Variants in NSD2 observed in about 807,000 individuals in gnomAD.
NSD2 encodes histone-lysine N-methyltransferase NSD2.
A neutral mutation model predicts 139.0 loss-of-function variants in NSD2; 12 were observed. That is an observed-to-expected ratio of 0.09 (90% CI 0.06 to 0.14). The LOEUF (loss-of-function observed/expected upper bound fraction) is 0.14, where lower values mean the gene tolerates loss of function less well. Among genes scored for constraint, NSD2 ranks in the 10% least tolerant of loss-of-function variants. The pLI, the probability that NSD2 is intolerant of heterozygous loss-of-function variation, is 1.00. For synonymous variants in NSD2, 669 were observed against 648.7 expected (o/e 1.03, Z -0.48); for missense variants, 1,155 against 1,745.0 (o/e 0.66, Z 6.02).
At position 1,959,749 on chromosome 4, in the gene NSD2, C is replaced by A; in HGVS notation, c.3255+9C>A. ...AGAGGGACATCAGAAAGGTATGTGT[C>A]GTTATCCCCTCCCCTGCTTTTGAGA... is the stretch of plus-strand genomic sequence containing the variant. On this transcript the variant is annotated intron_variant, in intron 17 of 21. Transcript: ENST00000508803. The A allele has an allele frequency of 6.2e-7, 1 of 1,608,686 alleles. No homozygotes were observed. Among genetic ancestry groups the A allele is most frequent in the South Asian group, 1.1e-5 (1 of 90,954 alleles).
rs527240655 is a variant in NSD2 at position 1,934,950 on chromosome 4, A to C, written c.1556-194A>C. 2.1e-5 allele frequency among the ~76,000 whole-genome samples: 3 copies of C among 142,762 alleles called. No individual in the cohort carries two copies. In the South Asian group the frequency reaches 6.9e-4, roughly 33 times the overall value. 93.7% of individuals were successfully genotyped at this position (142,762 alleles called of 152,430 possible). A position where few individuals can be genotyped will look rare whatever the true frequency, so the allele number is the denominator to read the frequency against. Reference sequence around the variant, plus strand: ...AGATGCTAATATAATCCCTAAGGTTAGATATAGTCACCAGTTTTTTTGTTG... The same window carrying C: ...AGATGCTAATATAATCCCTAAGGTTCGATATAGTCACCAGTTTTTTTGTTG... On this transcript the variant is annotated intron_variant, in intron 6 of 21. Coordinates refer to ENST00000508803, the MANE Select transcript of NSD2 (RefSeq NM_001042424.3).
At position 1,979,060 on chromosome 4, in the gene NSD2, C is replaced by T. The variant is rs992584112; in HGVS notation, c.*151C>T. On this transcript the variant is annotated 3_prime_UTR_variant, in exon 22 of 22. Transcript: ENST00000508803. ...CTCCTCGGGAGGGAGCGCCTCCCCA[C>T]CACTGAGCCATCCTCAGCAGCGTCC... The T allele has an allele frequency of 2.1e-6, 2 of 966,198 alleles. No individual in the cohort carries two copies. Among genetic ancestry groups the T allele is most frequent in the Non-Finnish European group, 1.4e-6 (1 of 690,198 alleles). 59.9% of individuals were successfully genotyped at this position (966,198 alleles called of 1,614,324 possible).
At chr4:1,906,401 G>A (rs1443893244) in intron 3 of NSD2, among the ~76,000 whole-genome samples, 12 of 151,704 alleles carry the variant, frequency 7.9e-5, no homozygotes, top group Non-Finnish European at 2.9e-5. Flanking sequence ...ACCACACCTG[G>A]CTAATTTTTG....
At chr4:1,970,614 C>T (rs1482532592) in intron 18 of NSD2, among the ~76,000 whole-genome samples, 3 of 152,078 alleles carry the variant, frequency 2.0e-5, no homozygotes, top group African/African-American at 7.2e-5. Flanking sequence ...CCCCCAACAC[C>T]GGCGAGCCAG....
chr4:1,893,299 C>G (rs1198365618), intron 1 of NSD2, among the ~76,000 whole-genome samples: 1 of 152,102 alleles, frequency 6.6e-6, no homozygotes, highest in Non-Finnish European at 1.5e-5. Context: ...GAAACCCCGT[C>G]TCTACTAAAA....
intron 3 of NSD2, among the ~76,000 whole-genome samples, chr4:1,904,621 CTGTTTT>C (rs1474088332): frequency 6.6e-6 from 1 of 152,182 alleles, no homozygotes; most frequent in Non-Finnish European, 1.5e-5. Flanking sequence ...TGTATAACTT[CTGTTTT>C]TATGATAGTT....
Position 1,901,125 on chromosome 4 carries a change from T to C in NSD2, c.471T>C (p.Asn157=), listed in dbSNP as rs1368641520. The change falls in exon 2 of 22, where the codon AAT becomes AAC. Residue 157 remains asparagine (N), a synonymous_variant. Transcript: ENST00000508803. ...SAADVSQSEE[N]GQKPENKARR... Reference sequence around the variant, plus strand: ...CTGATGTGTCTCAGTCAGAAGAAAATGGACAAAAACCAGAAAACAAGGCGA... The same window carrying C: ...CTGATGTGTCTCAGTCAGAAGAAAACGGACAAAAACCAGAAAACAAGGCGA... The C allele has an allele frequency of 5.0e-6, 8 of 1,614,032 alleles. No homozygotes were observed. In the South Asian group the frequency reaches 6.6e-5, roughly 13 times the overall value.
intron 9 of NSD2, among the ~76,000 whole-genome samples, chr4:1,949,807 C>T (rs1445986742): frequency 1.3e-5 from 2 of 150,792 alleles, no homozygotes; most frequent in Non-Finnish European, 2.9e-5. Flanking sequence ...ACTCTGAAGT[C>T]AGCAAACACT....
intron 3 of NSD2, among the ~76,000 whole-genome samples, chr4:1,912,408 A>G (rs1718802600): frequency 6.6e-6 from 1 of 152,190 alleles, no homozygotes; most frequent in Admixed American, 6.5e-5. Flanking sequence ...TGTAAATATC[A>G]TTCAGTGAAA....
intron 5 of NSD2, among the ~76,000 whole-genome samples, chr4:1,927,404 G>A (rs2108841828): frequency 6.6e-6 from 1 of 152,134 alleles, no homozygotes; most frequent in Admixed American, 6.5e-5. Flanking sequence ...AATCCTGAAA[G>A]CAAAAGAAAA....
At chr4:1,884,517 C>T (rs1245994448) in intron 1 of NSD2, among the ~76,000 whole-genome samples, 1 of 152,094 alleles carries the variant, frequency 6.6e-6, no homozygotes, top group Admixed American at 6.5e-5. Context: ...CCTCAGCCTC[C>T]CGAGTAGCTG....
At chr4:1,871,965 G>A (rs1261520579) in intron 1 of NSD2, among the ~76,000 whole-genome samples, 4 of 149,400 alleles carry the variant, frequency 2.7e-5, no homozygotes, top group Non-Finnish European at 4.5e-5. Flanking sequence ...TTGTTCCCGC[G>A]GCGCCGAGCG....
chr4:1,976,437 A>G lies in NSD2; in HGVS notation c.3622-38A>G. The G allele has an allele frequency of 6.3e-7, 1 of 1,598,702 alleles. No individual in the cohort carries two copies. On this transcript the variant is annotated intron_variant, in intron 20 of 21. Coordinates refer to ENST00000508803, the MANE Select transcript of NSD2 (RefSeq NM_001042424.3). This position sits in a 1 kb window ranked among gnomAD's most constrained non-coding sequence, Gnocchi z 5.3. Reference sequence around the variant, plus strand: ...TGCCCTATTTGCTTCAGCCTGTGTAATTCTTTCCGGTGATCTGTGCTTAAT... The same window carrying G: ...TGCCCTATTTGCTTCAGCCTGTGTAGTTCTTTCCGGTGATCTGTGCTTAAT...
intron 5 of NSD2, among the ~76,000 whole-genome samples, chr4:1,923,038 C>T (rs541360252): frequency 2.7e-4 from 41 of 152,280 alleles, no homozygotes; most frequent in Non-Finnish European, 4.9e-4. Flanking sequence ...AGGCCAGTTG[C>T]GTGGGAGGTC....
At chr4:1,922,708 C>G (rs201950005) in intron 5 of NSD2, among the ~76,000 whole-genome samples, 1 of 151,966 alleles carries the variant, frequency 6.6e-6, no homozygotes, top group African/African-American at 2.4e-5. Context: ...GGCGGATCAC[C>G]GGAGGTCAGG....
intron 18 of NSD2, among the ~76,000 whole-genome samples, chr4:1,963,727 AAAC>A (rs1725593506): frequency 6.6e-6 from 1 of 152,230 alleles, no homozygotes; most frequent in Admixed American, 6.5e-5. Context: ...TGAAAACAAA[AAAC>A]AAGCTGGGCA....
At chr4:1,965,478 T>G (rs1725792273) in intron 18 of NSD2, among the ~76,000 whole-genome samples, 1 of 151,898 alleles carries the variant, frequency 6.6e-6, no homozygotes, top group East Asian at 1.9e-4. Flanking sequence ...GGCTGAAAAA[T>G]TCCCAGGTTT....
At position 1,974,719 on chromosome 4, in the gene NSD2, C is replaced by T. The variant is rs369474320; in HGVS notation, c.3373-144C>T. ...GAAACAGGACTGGTTTGGGGGTGTC[C>T]TGTCTCAGTGGACACAGGACACCAC... On this transcript the variant is annotated intron_variant, in intron 18 of 21. Transcript: ENST00000508803. This position sits in a 1 kb window ranked among gnomAD's most constrained non-coding sequence, Gnocchi z 4.0. 9 of 1,166,256 alleles carry T rather than the reference C, an allele frequency of 7.7e-6. No individual in the cohort carries two copies. The African/African-American group carries it at 1.4e-4, about 18-fold the overall frequency. The allele number at this position is 1,166,256 out of a possible 1,614,324, so 72.2% of individuals were successfully genotyped here. A position where few individuals can be genotyped will look rare whatever the true frequency, so the allele number is the denominator to read the frequency against.
chr4:1,872,581 TGTGTGTGTGTGAGAGA>T (rs1193361421), intron 1 of NSD2, among the ~76,000 whole-genome samples: 5 of 66,306 alleles, frequency 7.5e-5, no homozygotes, highest in African/African-American at 2.1e-4. Flanking sequence ...TGTGTGTGTG[TGTGTGTGTGTGAGAGA>T]GAGAGAGAGA....
Sources: gnomAD v4.1 joint callset for allele counts (sites outside exome capture counted in the v4.1 genomes callset) on GRCh38, gnomAD v4.1.1 for gene constraint, Gnocchi (gnomAD v3.1) non-coding constraint, MANE v1.5 for transcripts, NCBI Gene and HGNC (gene_info 2026-07-23, HGNC 2026-07-21) for gene names.